TRIM36: variants seen among roughly 807,000 people sequenced by gnomAD.
TRIM36 encodes the protein E3 ubiquitin-protein ligase TRIM36.
TRIM36 carries 42 observed loss-of-function variants against 72.4 expected under a neutral mutation model. That is an observed-to-expected ratio of 0.58 (90% confidence interval 0.45 to 0.75). TRIM36 has a LOEUF of 0.75. TRIM36 is among the 30% of genes least tolerant of loss of function. The pLI is 0.00. For missense variants in TRIM36, 913 were observed against 857.1 expected, an observed-to-expected ratio of 1.07 and a Z score of -0.81; for synonymous variants, 315 against 282.8, an observed-to-expected ratio of 1.11 and a Z score of -1.14.
chr5:115,140,011 A>C (rs1338482422), intron 5 of TRIM36, among the ~76,000 whole-genome samples: 2 of 152,226 alleles, frequency 1.3e-5, no homozygotes, highest in Non-Finnish European at 2.9e-5. Flanking sequence ...TAAGGTGATC[A>C]TCTGCTTTGT....
At position 115,144,623 on chromosome 5, in the gene TRIM36, A is replaced by G; in HGVS notation, c.710T>C (p.Met237Thr). The change falls in exon 4 of 10, where the codon ATG becomes ACG. Residue 237 changes from methionine (M) to threonine (T), a missense_variant. By Grantham distance (81) the Met-to-Thr change is moderately conservative. Coordinates refer to ENST00000513154, the MANE Select transcript of TRIM36 (RefSeq NM_001300759.2). ...CTTTAAGGTTTTGTAGGCACTGCTC[A>G]TAGTGGTTACACGGTGGTTGGCATG... ...GNHANHRVTT[M>T]SSAYKTLKEK... is the part of the protein sequence containing the mutation. The G allele has an allele frequency of 6.2e-7, 1 of 1,614,054 alleles. No homozygotes were observed. Among genetic ancestry groups the G allele is most frequent in the South Asian group, 1.1e-5 (1 of 91,038 alleles).
chr5:115,126,115 A>G lies in TRIM36; in HGVS notation c.*388T>C, dbSNP rs905840632. ...TTTAAAAAATATCTTCTCTTAGGACATAAACATGATATAAAAATGAAAAGT... is the reference window on the plus strand; with the variant it reads ...TTTAAAAAATATCTTCTCTTAGGACGTAAACATGATATAAAAATGAAAAGT... On this transcript the variant is annotated 3_prime_UTR_variant, in exon 10 of 10. Transcript: ENST00000513154. 5 of 176,156 alleles carry G rather than the reference A, an allele frequency of 2.8e-5. No individual in the cohort carries two copies. Among genetic ancestry groups the G allele is most frequent in the South Asian group, 1.5e-4 (1 of 6,670 alleles). 10.9% of individuals were successfully genotyped at this position (176,156 alleles called of 1,614,324 possible). A position where few individuals can be genotyped will look rare whatever the true frequency, so the allele number is the denominator to read the frequency against.
Position 115,169,682 on chromosome 5 carries a change from G to C in TRIM36, c.-48C>G. ...TCAGCGGCACGTTCCACTCACACCG[G>C]CTACCGAGCGCAGGGTCTGGTGGGC... On this transcript the variant is annotated 5_prime_UTR_variant, in exon 1 of 10. Coordinates refer to ENST00000513154, the MANE Select transcript of TRIM36 (RefSeq NM_001300759.2). The C allele has an allele frequency of 1.3e-6, 2 of 1,513,194 alleles. No homozygotes were observed. Among genetic ancestry groups the C allele is most frequent in the African/African-American group, 1.4e-5 (1 of 72,330 alleles). The allele number at this position is 1,513,194 out of a possible 1,614,324, so 93.7% of individuals were successfully genotyped here. A position where few individuals can be genotyped will look rare whatever the true frequency, so the allele number is the denominator to read the frequency against.
chr5:115,179,023 G>A (rs1755477823), intron 1 of TRIM36, among the ~76,000 whole-genome samples: 1 of 152,140 alleles, frequency 6.6e-6, no homozygotes, highest in African/African-American at 2.4e-5. Context: ...TGTTAACCGC[G>A]CACAGGGAGT....
At chr5:115,173,210 TTTGC>T (rs1199522125), upstream of TRIM36, among the ~76,000 whole-genome samples, 2 of 152,182 alleles carry the variant, frequency 1.3e-5, no homozygotes, top group Non-Finnish European at 2.9e-5. Context: ...GTGGGTTTTG[TTTGC>T]TTGCTTTTTA....
At chr5:115,131,054 A>G (rs190203074) in intron 8 of TRIM36, among the ~76,000 whole-genome samples, 165 bp from the exon 9 acceptor site, 7 of 152,316 alleles carry the variant, frequency 4.6e-5, no homozygotes, top group Admixed American at 1.3e-4. Context: ...ACTTAGCAAT[A>G]TATCTTATCC....
intron 7 of TRIM36, among the ~76,000 whole-genome samples, chr5:115,135,095 G>C (rs373979665): frequency 2.9e-4 from 44 of 152,182 alleles, no homozygotes; most frequent in African/African-American, 1.0e-3. Context: ...TTTGGAAACA[G>C]GTTTCTGGTT....
chr5:115,172,866 T>C (rs1404421287), upstream of TRIM36, among the ~76,000 whole-genome samples: 1 of 152,332 alleles, frequency 6.6e-6, no homozygotes, highest in East Asian at 1.9e-4. Context: ...ATAACCATTG[T>C]GGAGAAGTAA....
At chr5:115,174,955 G>A (rs1328618342) in intron 1 of TRIM36, among the ~76,000 whole-genome samples, 1 of 152,038 alleles carries the variant, frequency 6.6e-6, no homozygotes, top group Non-Finnish European at 1.5e-5. Flanking sequence ...GAAGTTTTCT[G>A]GCCAACTTGA....
chr5:115,152,634 C>T (rs913605489), intron 2 of TRIM36, among the ~76,000 whole-genome samples: 8 of 152,084 alleles, frequency 5.3e-5, no homozygotes, highest in African/African-American at 1.9e-4. Flanking sequence ...ACCAGGTAAC[C>T]TAGGGAAAAC....
intron 1 of TRIM36, chr5:115,177,385 G>C: frequency 3.2e-6 from 1 of 316,888 alleles, no homozygotes; most frequent in Non-Finnish European, 4.9e-6. Context: ...AACTTTGAGG[G>C]ATGGTGGGGC....
chr5:115,151,857 G>C (rs59944925), intron 2 of TRIM36, among the ~76,000 whole-genome samples: 8 of 152,104 alleles, frequency 5.3e-5, no homozygotes, highest in Non-Finnish European at 1.0e-4. Flanking sequence ...AAAACAACCC[G>C]TGGGACAAAA....
intron 1 of TRIM36, among the ~76,000 whole-genome samples, chr5:115,179,370 C>A (rs1434645792): frequency 6.6e-6 from 1 of 152,230 alleles, no homozygotes; most frequent in Non-Finnish European, 1.5e-5. Flanking sequence ...CCAGCATCTT[C>A]CCCTCCCTAC....
intron 2 of TRIM36, among the ~76,000 whole-genome samples, chr5:115,151,036 C>G (rs7732228): frequency 0.47 from 71,142 of 152,032 alleles, 17,490 homozygotes; most frequent in East Asian, 0.71. Context: ...CTCCTGGCCA[C>G]AACTTGGGGG....
chr5:115,172,143 A>G (rs1728489443), upstream of TRIM36, among the ~76,000 whole-genome samples: 1 of 152,200 alleles, frequency 6.6e-6, no homozygotes, highest in South Asian at 2.1e-4. Flanking sequence ...TCTCTATCAA[A>G]AATACAAGAT....
At chr5:115,165,933 G>C (rs1287807985) in intron 1 of TRIM36, among the ~76,000 whole-genome samples, 3 of 152,160 alleles carry the variant, frequency 2.0e-5, no homozygotes, top group Non-Finnish European at 4.4e-5. Flanking sequence ...CCAGGTGTGT[G>C]TGTGCTTGAG....
rs776093491 is a variant in TRIM36, at chr5:115,141,342, A to G, written c.768T>C (p.Ile256=). 6.2e-7 allele frequency: 1 copy of G among 1,603,906 alleles called. No homozygotes were observed. Residue 256 remains isoleucine (I), a synonymous_variant, in exon 5 of 10, where the codon ATT becomes ATC. Transcript: ENST00000513154. Reference sequence around the variant, plus strand: ...GACTCTTCACCTGGCTTTCCTTACCAATAAGGTAATCAATATCCTTTGAAA... The same window carrying G: ...GACTCTTCACCTGGCTTTCCTTACCGATAAGGTAATCAATATCCTTTGAAA... ...EKLSKDIDYL[I]GKESQVKSQI...
At position 115,144,667 on chromosome 5, in the gene TRIM36, C is replaced by T. The variant is rs7716270; in HGVS notation, c.666G>A (p.Leu222=). Residue 222 remains leucine (L), a synonymous_variant, in exon 4 of 10, where the codon CTG becomes CTA. Transcript: ENST00000513154. ...TGGCATGATTACCACCCAACTTACA[C>T]AGATGGCAAACTGGCCTCCTACATA... ...CELCRRPVCH[L]CKLGGNHANH... is the part of the protein sequence containing the mutation. 0.14 allele frequency: 229,939 copies of T among 1,613,728 alleles called. 26,765 individuals carry two copies. The highest frequency in any genetic ancestry group is 0.54 in the African/African-American group (40,248 of 74,922).
intron 9 of TRIM36, among the ~76,000 whole-genome samples, chr5:115,128,758 C>CAAAAAAAAAAAAAAAAAAAA (rs58384978): frequency 1.6e-3 from 73 of 47,008 alleles, no homozygotes; most frequent in Non-Finnish European, 2.3e-3. Flanking sequence ...GACTCCGTCT[C>CAAAAAAAAAAAAAAAAAAAA]AAAAAAAAAA....
Sources: allele counts gnomAD v4.1 joint callset (sites outside exome capture counted in the v4.1 genomes callset), GRCh38; gene constraint gnomAD v4.1.1; transcripts MANE v1.5; gene names NCBI Gene and HGNC (gene_info 2026-07-23, HGNC 2026-07-21).